Variants in ENPEP observed in about 807,000 individuals in gnomAD.
ENPEP encodes AP-A.
In ENPEP, 103 loss-of-function variants were observed where a neutral mutation model predicts 114.5. The ratio of observed to expected loss-of-function variants is 0.90; its 90% confidence interval spans 0.77 to 1.06. The LOEUF is 1.06. Among genes scored for constraint, ENPEP ranks in the 50% least tolerant of loss-of-function variants. The probability of loss-of-function intolerance (pLI) is 0.00; values close to 1 mark genes in which losing one functional copy is unlikely to be tolerated. For missense variants in ENPEP, 1,196 were observed against 1,161.3 expected, an observed-to-expected ratio of 1.03 and a Z score of -0.43; for synonymous variants, 420 against 422.0, an observed-to-expected ratio of 1.00 and a Z score of 0.06.
intron 3 of ENPEP, among the ~76,000 whole-genome samples, chr4:110,493,945 C>A (rs1342638685): frequency 6.6e-6 from 1 of 152,088 alleles, no homozygotes; most frequent in African/African-American, 2.4e-5. Flanking sequence ...AGAAAAACAT[C>A]CAAGACAAAT....
Position 110,515,899 on chromosome 4 carries a change from G to GGAGAGA in ENPEP, c.1509+465_1509+470dup, listed in dbSNP as rs140895730. 9.6e-6 allele frequency: 4 copies of GGAGAGA among 417,720 alleles called. No homozygotes were observed. In the Admixed American group the frequency reaches 1.0e-4, roughly 11 times the overall value. 25.9% of individuals were successfully genotyped at this position (417,720 alleles called of 1,614,324 possible). ...GTCCTCATAGCAGAGAGAGAGAGAG[G>GGAGAGA]GAGAGAGAGAGAGCACTCTGGTGTC... is the stretch of plus-strand genomic sequence containing the variant. On this transcript the variant is annotated intron_variant, in intron 8 of 19. Coordinates refer to ENST00000265162, the MANE Select transcript of ENPEP (RefSeq NM_001977.4).
rs976092489 is a variant in ENPEP at position 110,562,020 on chromosome 4, C to G, written c.*462C>G. The G allele has an allele frequency of 6.5e-6, 1 of 153,060 alleles. No homozygotes were observed. Among genetic ancestry groups the G allele is most frequent in the African/African-American group, 2.4e-5 (1 of 41,530 alleles). The allele number at this position is 153,060 out of a possible 1,614,324, so 9.5% of individuals were successfully genotyped here. On this transcript the variant is annotated 3_prime_UTR_variant, in exon 20 of 20. Coordinates refer to ENST00000265162, the MANE Select transcript of ENPEP (RefSeq NM_001977.4). ...CTTTATTTTATTATTCAGAATTATACAGACCTAATATCATTTTATTCACAT... is the reference window on the plus strand; with the variant it reads ...CTTTATTTTATTATTCAGAATTATAGAGACCTAATATCATTTTATTCACAT...
At chr4:110,532,620 T>A (rs1035990721) in intron 11 of ENPEP, among the ~76,000 whole-genome samples, 4 of 151,050 alleles carry the variant, frequency 2.6e-5, no homozygotes, top group African/African-American at 4.9e-5. Context: ...TTGGGCCTTT[T>A]AAAAAAAAAC....
chr4:110,515,610 C>A, intron 8 of ENPEP, 168 bp downstream of exon 8: 1 of 632,158 alleles, frequency 1.6e-6, no homozygotes. Flanking sequence ...AATTGAGTAC[C>A]TACATTGTAT....
chr4:110,504,158 T>G (rs1383686931), intron 3 of ENPEP, among the ~76,000 whole-genome samples: 1 of 152,184 alleles, frequency 6.6e-6, no homozygotes, highest in Admixed American at 6.5e-5. Flanking sequence ...ACCGGTCTTT[T>G]GGAACTCCAC....
chr4:110,558,991 T>C (rs1362532934), intron 18 of ENPEP: 7 of 152,186 alleles, frequency 4.6e-5, no homozygotes, highest in Non-Finnish European at 8.8e-5. Context: ...CATAGAGTAT[T>C]AGGATAACGA....
chr4:110,512,501 T>C (rs1725617660), intron 6 of ENPEP: 1 of 152,222 alleles, frequency 6.6e-6, no homozygotes, highest in African/African-American at 2.4e-5. Flanking sequence ...ACCTTTCCTG[T>C]TATAAATGAA....
At chr4:110,520,194 C>A (rs367712724) in intron 9 of ENPEP, 21 bp from the exon 10 acceptor site, 8 of 1,608,918 alleles carry the variant, frequency 5.0e-6, no homozygotes, top group Middle Eastern at 1.7e-4. Context: ...TAATTAATCT[C>A]CATTTTGTTT....
intron 3 of ENPEP, 86 bp downstream of exon 3, chr4:110,491,250 T>C: frequency 7.3e-7 from 1 of 1,374,060 alleles, no homozygotes; most frequent in Non-Finnish European, 9.8e-7. Context: ...TTTTTTTTTT[T>C]TTCAAACAAC....
intron 11 of ENPEP, 112 bp downstream of exon 11, chr4:110,531,389 T>A (rs2110374688): frequency 1.3e-6 from 1 of 799,800 alleles, no homozygotes; most frequent in Non-Finnish European, 1.7e-6. Context: ...TTCAGCTAAG[T>A]GATCTCTTAA....
At chr4:110,529,828 C>A (rs1373993553) in intron 10 of ENPEP, among the ~76,000 whole-genome samples, 1 of 152,094 alleles carries the variant, frequency 6.6e-6, no homozygotes, top group Non-Finnish European at 1.5e-5. Context: ...AATCCCAGCA[C>A]TTTGGGAGGC....
rs776505588 is a variant in ENPEP, at chr4:110,549,723, G to A, written c.2338G>A (p.Val780Ile). The A allele has an allele frequency of 1.2e-6, 2 of 1,612,690 alleles. No individual in the cohort carries two copies. Among genetic ancestry groups the A allele is most frequent in the Non-Finnish European group, 1.7e-6 (2 of 1,179,314 alleles). ...CACTGTTTCTTCTTCTAGCCTTCCC[G>A]TAAATCTCAGGCTTCTGGTGTATCG... is the stretch of plus-strand genomic sequence containing the variant. ...QWLNGTVSLP[V>I]NLRLLVYRYG... is the part of the protein sequence containing the mutation. The change falls in exon 17 of 20, where the codon GTA (valine) becomes ATA (isoleucine). Residue 780 changes from valine to isoleucine, a missense_variant. By Grantham distance (29) the Val-to-Ile change is conservative. Coordinates refer to ENST00000265162, the MANE Select transcript of ENPEP (RefSeq NM_001977.4).
intron 1 of ENPEP, among the ~76,000 whole-genome samples, chr4:110,479,021 A>G (rs764001312): frequency 8.5e-5 from 13 of 152,348 alleles, no homozygotes; most frequent in Non-Finnish European, 1.6e-4. Context: ...ATACACGTTT[A>G]TTGAAGGAAA....
intron 3 of ENPEP, among the ~76,000 whole-genome samples, chr4:110,494,506 C>T (rs1027004362): frequency 4.6e-5 from 7 of 152,164 alleles, no homozygotes; most frequent in Non-Finnish European, 8.8e-5. Flanking sequence ...TTATACTATG[C>T]AATCTAAGAA....
rs146727079 is a variant in ENPEP, at chr4:110,558,687, A to G, written c.2643-960A>G. 1.7e-3 allele frequency among the ~76,000 whole-genome samples: 254 copies of G among 152,292 alleles called. 1 individual carries two copies. Among genetic ancestry groups the G allele is most frequent in the African/African-American group, 5.9e-3 (246 of 41,576 alleles). On this transcript the variant is annotated intron_variant, in intron 18 of 19. Coordinates refer to ENST00000265162, the MANE Select transcript of ENPEP (RefSeq NM_001977.4). ...CATTCCAGGGGTTTAAGGTTTATAT[A>G]TAATTTTGTGGGTTTCTTGCACTGT... is the stretch of plus-strand genomic sequence containing the variant.
chr4:110,530,356 A>G (rs1210483576), intron 10 of ENPEP, among the ~76,000 whole-genome samples: 1 of 152,236 alleles, frequency 6.6e-6, no homozygotes, highest in Non-Finnish European at 1.5e-5. Context: ...TGAAAAGGTG[A>G]AATGTTAACC....
intron 6 of ENPEP, 27 bp from the exon 7 acceptor site, chr4:110,513,388 T>G (rs746694041): frequency 6.2e-7 from 1 of 1,605,564 alleles, no homozygotes; most frequent in East Asian, 2.2e-5. Flanking sequence ...AAATACTATA[T>G]TCCTTTGGCT....
At chr4:110,547,524 G>A (rs1254697465) in intron 13 of ENPEP, among the ~76,000 whole-genome samples, 1 of 152,056 alleles carries the variant, frequency 6.6e-6, no homozygotes, top group Non-Finnish European at 1.5e-5. Context: ...ACAGGGAAGT[G>A]GGGAAAGCTG....
At chr4:110,549,462 T>C (rs1447057884) in intron 15 of ENPEP, 43 bp downstream of exon 15, 1 of 1,612,388 alleles carries the variant, frequency 6.2e-7, no homozygotes, top group Admixed American at 1.7e-5. Flanking sequence ...TTAACATTTG[T>C]TTTTTGTTTT....
Sources: gnomAD v4.1 joint callset for allele counts (sites outside exome capture counted in the v4.1 genomes callset) on GRCh38, gnomAD v4.1.1 for gene constraint, MANE v1.5 for transcripts, NCBI Gene and HGNC (gene_info 2026-07-23, HGNC 2026-07-21) for gene names.